DCTN1: variants seen among roughly 807,000 people sequenced by gnomAD.
DCTN1 encodes 150 kDa dynein-associated polypeptide.
Under a neutral mutation model 161.2 loss-of-function variants are expected in DCTN1, and 61 were observed. The ratio of observed to expected loss-of-function variants is 0.38; its 90% CI spans 0.31 to 0.47. DCTN1 has a LOEUF of 0.47. Among genes scored for constraint, DCTN1 ranks in the 20% least tolerant of loss-of-function variants. The pLI is 0.99. For synonymous variants in DCTN1, 653 were observed against 632.4 expected (o/e 1.03, Z -0.49); for missense variants, 1,404 against 1,623.7 (o/e 0.86, Z 2.33).
chr2:74,390,908 AT>A (rs1270941231), intron 1 of DCTN1, among the ~76,000 whole-genome samples: 1 of 152,208 alleles, frequency 6.6e-6, no homozygotes, highest in Non-Finnish European at 1.5e-5. Flanking sequence ...TCACCCAAGA[AT>A]AACAGTATAT....
chr2:74,362,981 G>A lies in DCTN1; in HGVS notation c.3529+13C>T, dbSNP rs1674126281. On this transcript the variant is annotated intron_variant, in intron 29 of 31. Transcript: ENST00000628224. ...GGCAGTTTTATTCATCTTGGGGGTT[G>A]GCAGGTACATACCAGGGCTGGTGCG... 1 of 1,610,148 alleles carries A rather than the reference G, an allele frequency of 6.2e-7. No homozygotes were observed.
rs112571739 is a variant in DCTN1 at position 74,362,679 on chromosome 2, A to C, written c.3580T>G (p.Ser1194Ala). The C allele has an allele frequency of 1.9e-6, 3 of 1,613,876 alleles. No individual in the cohort carries two copies. The African/African-American group carries it at 4.0e-5, about 22-fold the overall frequency. ...AGCTTCTCGACGGTGTCACTCAGGG[A>C]CTTAAGCTGAGCCACTTGCTCCATA... ...QLMEQVAQLK[S>A]LSDTVEKLKD... is the part of the protein sequence containing the mutation. The change falls in exon 30 of 32, where the codon TCC becomes GCC. Residue 1194 changes from serine to alanine, a missense_variant. Physicochemically the swap from Ser to Ala is moderately conservative, Grantham distance 99 (BLOSUM62 1). Around this residue, in one of 9 missense-constraint regions of DCTN1, gnomAD observed 311 missense variants for 298.9 expected, o/e 1.04. Transcript: ENST00000628224.
rs748010130 is a variant in DCTN1 at position 74,361,247 on chromosome 2, C to T, written c.*252G>A. On this transcript the variant is annotated 3_prime_UTR_variant, in exon 32 of 32. Coordinates refer to ENST00000628224, the MANE Select transcript of DCTN1 (RefSeq NM_004082.5). Reference sequence around the variant, plus strand: ...GGTGGTGGGGTCTCAGCCTACCCCCCACAAGCCCTGAGGCCCCTCAGGAAG... The same window carrying T: ...GGTGGTGGGGTCTCAGCCTACCCCCTACAAGCCCTGAGGCCCCTCAGGAAG... 6.2e-6 allele frequency: 4 copies of T among 643,056 alleles called. No homozygotes were observed. The highest frequency in any genetic ancestry group is 1.8e-5 in the African/African-American group (1 of 55,918). The allele number at this position is 643,056 out of a possible 1,614,324, so 39.8% of individuals were successfully genotyped here.
At chr2:74,383,222 G>A (rs78276096), upstream of DCTN1, among the ~76,000 whole-genome samples, 753 of 152,362 alleles carry the variant, frequency 4.9e-3, 1 homozygote, top group Non-Finnish European at 7.7e-3. Context: ...CCCTAGCTTA[G>A]CTGAAGTAAC....
Position 74,369,836 on chromosome 2 carries a change from A to AAAT in DCTN1, c.1392+128_1392+129insATT. 3 of 817,356 alleles carry AAAT rather than the reference A, an allele frequency of 3.7e-6. No individual in the cohort carries two copies. Among genetic ancestry groups the AAAT allele is most frequent in the Non-Finnish European group, 5.9e-6 (3 of 509,022 alleles). The allele number at this position is 817,356 out of a possible 1,614,324, so 50.6% of individuals were successfully genotyped here. A position where few individuals can be genotyped will look rare whatever the true frequency, so the allele number is the denominator to read the frequency against. ...TCTCAGAAAAAAAAAAAAAAAAAAAAGGCAGGGTCAGGGTAGCAAGCCCAG... is the reference window on the plus strand; with the variant it reads ...TCTCAGAAAAAAAAAAAAAAAAAAAAAATGGCAGGGTCAGGGTAGCAAGCCCAG... On this transcript the variant is annotated intron_variant, in intron 13 of 31. Transcript: ENST00000628224. The surrounding 1 kb of genome is among the most constrained non-coding windows in gnomAD (Gnocchi z 4.9).
At chr2:74,374,293 C>G in intron 6 of DCTN1, 30 bp downstream of exon 6, 1 of 1,612,398 alleles carries the variant, frequency 6.2e-7, no homozygotes, top group South Asian at 1.1e-5. Flanking sequence ...CCTGGCAACC[C>G]AGCAGCAGGA....
rs201287602 is a variant in DCTN1, at chr2:74,378,258, G to T, written c.34-13C>A. On this transcript the variant is annotated splice_polypyrimidine_tract_variant and intron_variant, in intron 1 of 31. Coordinates refer to ENST00000628224, the MANE Select transcript of DCTN1 (RefSeq NM_004082.5). ...TGCCGCTGGGCGTCTGAAAGACACAGGTAAACACAGACAGTTAGAGGCCTC... is the reference window on the plus strand; with the variant it reads ...TGCCGCTGGGCGTCTGAAAGACACATGTAAACACAGACAGTTAGAGGCCTC... The T allele has an allele frequency of 1.2e-6, 2 of 1,603,886 alleles. No individual in the cohort carries two copies. The highest frequency in any genetic ancestry group is 4.5e-5 in the East Asian group (2 of 44,890).
At chr2:74,371,484 G>GCC in intron 8 of DCTN1, 53 bp downstream of exon 8, 1 of 1,511,112 alleles carries the variant, frequency 6.6e-7, no homozygotes, top group South Asian at 1.2e-5. Context: ...ACAGCGGGTA[G>GCC]CCACAAGCCT....
At chr2:74,377,787 T>C (rs1403998545) in intron 2 of DCTN1, 61 bp from the exon 3 acceptor site, 2 of 1,541,276 alleles carry the variant, frequency 1.3e-6, no homozygotes, top group Non-Finnish European at 1.8e-6. Context: ...CAAGGACGGC[T>C]GTAATATGGG....
chr2:74,378,389 AC>A, intron 1 of DCTN1, 144 bp from the exon 2 acceptor site: 1 of 992,514 alleles, frequency 1.0e-6, no homozygotes, highest in Non-Finnish European at 1.5e-6. Context: ...AATTGGGTGG[AC>A]CCCCAAATTC....
chr2:74,382,146 A>T (rs1328049447), upstream of DCTN1, among the ~76,000 whole-genome samples: 1 of 152,246 alleles, frequency 6.6e-6, no homozygotes, highest in African/African-American at 2.4e-5. Context: ...TAAAAAATTC[A>T]AAAGAGCTCA....
At position 74,365,650 on chromosome 2, in the gene DCTN1, T is replaced by A. The variant is rs778727273; in HGVS notation, c.2894A>T (p.Glu965Val). Residue 965 changes from glutamate to valine, a missense_variant, in exon 25 of 32, where the codon GAG (glutamate) becomes GTG (valine). Around this residue, in one of 9 missense-constraint regions of DCTN1, gnomAD observed 475 missense variants for 489.8 expected, o/e 0.97. Transcript: ENST00000628224. Reference sequence around the variant, plus strand: ...CAGCCGCACATTGGCCTCACTTAGCTCCTCTCCCTGGACAAGGACAGAACT... The same window carrying A: ...CAGCCGCACATTGGCCTCACTTAGCACCTCTCCCTGGACAAGGACAGAACT... ...LKKSLKIKGE[E>V]LSEANVRLSL... 6.2e-7 allele frequency: 1 copy of A among 1,613,982 alleles called. No individual in the cohort carries two copies. The highest frequency in any genetic ancestry group is 8.5e-7 in the Non-Finnish European group (1 of 1,180,010).
chr2:74,369,901 G>A lies in DCTN1; in HGVS notation c.1392+64C>T. ...CGCACACCCTGCTCAAAGGCCAAGGGTCACATGTCAATCTTTTTCTCAGCA... is the reference window on the plus strand; with the variant it reads ...CGCACACCCTGCTCAAAGGCCAAGGATCACATGTCAATCTTTTTCTCAGCA... On this transcript the variant is annotated intron_variant, in intron 13 of 31. Coordinates refer to ENST00000628224, the MANE Select transcript of DCTN1 (RefSeq NM_004082.5). The surrounding 1 kb of genome is among the most constrained non-coding windows in gnomAD (Gnocchi z 4.9). 1.3e-6 allele frequency: 2 copies of A among 1,537,102 alleles called. No individual in the cohort carries two copies. The highest frequency in any genetic ancestry group is 4.5e-5 in the East Asian group (2 of 44,514).
At chr2:74,372,797 T>C in intron 7 of DCTN1, 131 bp downstream of exon 7, 1 of 994,320 alleles carries the variant, frequency 1.0e-6, no homozygotes, top group Non-Finnish European at 1.6e-6. Context: ...CCCCCACCCT[T>C]TCCTCTGAAG....
Position 74,366,261 on chromosome 2 carries a change from C to T in DCTN1, c.2743G>A (p.Glu915Lys), listed in dbSNP as rs75503452. ...TAMQEGEYDA[E>K]RPPSKPPPVE... is the part of the protein sequence containing the mutation. ...CCACCTACCTTGCTGGGGGGCCGCTCTGCATCATACTCCCCCTCCTGCATG... is the reference window on the plus strand; with the variant it reads ...CCACCTACCTTGCTGGGGGGCCGCTTTGCATCATACTCCCCCTCCTGCATG... The change falls in exon 23 of 32, where the codon GAG becomes AAG. Residue 915 changes from glutamate to lysine, a missense_variant. Around this residue, in one of 9 missense-constraint regions of DCTN1, gnomAD observed 475 missense variants for 489.8 expected, o/e 0.97. Transcript: ENST00000628224. 2 of 1,614,180 alleles carry T rather than the reference C, an allele frequency of 1.2e-6. No homozygotes were observed. Among genetic ancestry groups the T allele is most frequent in the South Asian group, 2.2e-5 (2 of 91,088 alleles).
chr2:74,372,814 C>T, intron 7 of DCTN1, 114 bp downstream of exon 7: 1 of 1,108,012 alleles, frequency 9.0e-7, no homozygotes, highest in Non-Finnish European at 1.4e-6. Flanking sequence ...GAAGAGAACC[C>T]AGGATACACT....
chr2:74,382,838 C>T (rs1054118007), upstream of DCTN1, among the ~76,000 whole-genome samples: 5 of 150,892 alleles, frequency 3.3e-5, no homozygotes, highest in East Asian at 9.7e-4. Flanking sequence ...TTTGGGAGGC[C>T]GAGGCGGGTG....
At position 74,371,073 on chromosome 2, in the gene DCTN1, T is replaced by C. The variant is rs1674804968; in HGVS notation, c.749A>G (p.Lys250Arg). The C allele has an allele frequency of 6.2e-7, 1 of 1,614,108 alleles. No homozygotes were observed. Among genetic ancestry groups the C allele is most frequent in the Non-Finnish European group, 8.5e-7 (1 of 1,180,052 alleles). Residue 250 changes from lysine (K) to arginine (R), a missense_variant, in exon 9 of 32, where the codon AAA (lysine) becomes AGA (arginine). This residue lies in a region of DCTN1 where 67 missense variants were observed against 116.3 expected (regional missense o/e 0.58). Transcript: ENST00000628224. ...CACCTGCTCCAGCTGGATTTTGTGTTTCTCCAGCTCTTTTAGCTTTGCTTT... is the reference window on the plus strand; with the variant it reads ...CACCTGCTCCAGCTGGATTTTGTGTCTCTCCAGCTCTTTTAGCTTTGCTTT... ...EDKAKLKELEKHKIQLEQVQE... is the reference protein window; with the variant it reads ...EDKAKLKELERHKIQLEQVQE...
intron 1 of DCTN1, chr2:74,386,923 C>G (rs1178864860): frequency 6.6e-6 from 1 of 152,180 alleles, no homozygotes; most frequent in African/African-American, 2.4e-5. Flanking sequence ...CATCAGAAAA[C>G]CCATAAACAA....
Sources: gnomAD v4.1 joint callset for allele counts (sites outside exome capture counted in the v4.1 genomes callset) on GRCh38, gnomAD v4.1.1 for gene constraint, gnomAD v4.1.1 regional missense constraint, Gnocchi (gnomAD v3.1) non-coding constraint, MANE v1.5 for transcripts, NCBI Gene and HGNC (gene_info 2026-07-23, HGNC 2026-07-21) for gene names.